The following SUMF1 variants were observed in gnomAD, a reference collection of about 807,000 sequenced individuals.
SUMF1 encodes the protein sulfatase modifying factor 1.
In SUMF1, 48 loss-of-function variants were observed where a neutral mutation model predicts 47.6. The ratio of observed to expected loss-of-function variants is 1.01; its 90% CI spans 0.80 to 1.28. The LOEUF is 1.28. Ranked by LOEUF, SUMF1 falls within the 50% of genes most tolerant of loss-of-function variation. The pLI, the probability that SUMF1 is intolerant of heterozygous loss-of-function variation, is 0.00. For synonymous variants in SUMF1, 230 were observed against 192.1 expected, an observed-to-expected ratio of 1.20 and a Z score of -1.63; for missense variants, 571 against 485.4, an observed-to-expected ratio of 1.18 and a Z score of -1.66.
At chr3:4,341,864 C>A (rs1378055624) in intron 8 of SUMF1, among the ~76,000 whole-genome samples, 10 of 152,138 alleles carry the variant, frequency 6.6e-5, no homozygotes, top group Non-Finnish European at 1.5e-4. Context: ...TGTTTTTTAA[C>A]TAAGAAGTCA....
chr3:4,412,298 G>C (rs1352203564), intron 6 of SUMF1, among the ~76,000 whole-genome samples: 1 of 152,196 alleles, frequency 6.6e-6, no homozygotes, highest in Non-Finnish European at 1.5e-5. Flanking sequence ...TGCAGAATGG[G>C]ATGAGTAGGG....
rs1355300284 is a variant in SUMF1, at chr3:4,361,286, T to TC, written c.*857dup. 6.6e-6 allele frequency: 1 copy of TC among 152,658 alleles called. No individual in the cohort carries two copies. The highest frequency in any genetic ancestry group is 1.5e-5 in the Non-Finnish European group (1 of 68,052). The allele number at this position is 152,658 out of a possible 1,614,324, so 9.5% of individuals were successfully genotyped here. On this transcript the variant is annotated 3_prime_UTR_variant, in exon 9 of 9. Transcript: ENST00000272902. ...CTCATTCAAGGTCCTCGTTCCTTTT[T>TC]CCCTATATCTAGAATTAAACAGGTT... is the stretch of plus-strand genomic sequence containing the variant.
intron 8 of SUMF1, among the ~76,000 whole-genome samples, chr3:4,086,962 TA>T (rs1439933633): frequency 6.6e-6 from 1 of 152,140 alleles, no homozygotes; most frequent in African/African-American, 2.4e-5. Context: ...TTTTTCTCTA[TA>T]AATTACCCAG....
intron 8 of SUMF1, among the ~76,000 whole-genome samples, chr3:4,230,264 T>C (rs1288514208): frequency 6.6e-6 from 1 of 152,020 alleles, no homozygotes; most frequent in Non-Finnish European, 1.5e-5. Flanking sequence ...GAGTTAAACT[T>C]CGCAGGTTTA....
intron 8 of SUMF1, among the ~76,000 whole-genome samples, chr3:4,275,671 C>T (rs1362674614): frequency 6.6e-6 from 1 of 152,142 alleles, no homozygotes. Flanking sequence ...TCCCAAAGTA[C>T]TTAGCTCTGG....
chr3:4,157,926 A>G (rs1406884218), intron 8 of SUMF1, among the ~76,000 whole-genome samples: 1 of 150,448 alleles, frequency 6.6e-6, no homozygotes, highest in Non-Finnish European at 1.5e-5. Flanking sequence ...TGTACTTTGT[A>G]TTTTCAGTCT....
rs73114422 is a variant in SUMF1 at position 4,123,875 on chromosome 3, G to A, written c.1015-55130C>T. 8.2e-3 allele frequency among the ~76,000 whole-genome samples: 1,245 copies of A among 152,206 alleles called. 20 individuals carry two copies. Among genetic ancestry groups the A allele is most frequent in the African/African-American group, 0.029 (1,184 of 41,526 alleles). ...TCAGAGAGAAAGGTTTAGCTAGGGC[G>A]TCACAGACATTGATCAGACATGGGG... On this transcript the variant is annotated intron_variant and NMD_transcript_variant, in intron 8 of 12. Coordinates refer to the SUMF1 transcript ENST00000448413.
intron 8 of SUMF1, among the ~76,000 whole-genome samples, chr3:4,372,282 C>A (rs936793340): frequency 3.9e-5 from 6 of 152,036 alleles, no homozygotes; most frequent in African/African-American, 1.4e-4. Flanking sequence ...GCCTGGGTCA[C>A]AGAGTAAGAT....
intron 8 of SUMF1, among the ~76,000 whole-genome samples, chr3:4,242,684 A>G (rs1181563496): frequency 2.0e-5 from 3 of 152,112 alleles, no homozygotes; most frequent in South Asian, 2.1e-4. Flanking sequence ...CCAGTATTTT[A>G]TTGAGGACTT....
intron 8 of SUMF1, among the ~76,000 whole-genome samples, chr3:4,251,710 T>A (rs895255547): frequency 1.3e-5 from 2 of 152,230 alleles, no homozygotes; most frequent in African/African-American, 4.8e-5. Context: ...CCAGATAGCA[T>A]CTTCTTCTAT....
chr3:4,304,565 G>C (rs1698106542), intron 8 of SUMF1, among the ~76,000 whole-genome samples: 1 of 152,210 alleles, frequency 6.6e-6, no homozygotes, highest in Non-Finnish European at 1.5e-5. Context: ...TCGGAGCTTA[G>C]ACATCTTAGC....
At chr3:4,222,166 G>A (rs1338338991) in intron 8 of SUMF1, among the ~76,000 whole-genome samples, 1 of 151,950 alleles carries the variant, frequency 6.6e-6, no homozygotes, top group Non-Finnish European at 1.5e-5. Context: ...GTTATCTTTG[G>A]TGGGATAATA....
chr3:4,039,116 G>C (rs1694860603), intron 9 of SUMF1, among the ~76,000 whole-genome samples: 1 of 145,476 alleles, frequency 6.9e-6, no homozygotes, highest in East Asian at 2.2e-4. Flanking sequence ...ACAGAGAATT[G>C]AAATACAGAA....
At chr3:4,387,317 C>G (rs1700707348) in intron 7 of SUMF1, among the ~76,000 whole-genome samples, 1 of 151,916 alleles carries the variant, frequency 6.6e-6, no homozygotes, top group Non-Finnish European at 1.5e-5. Flanking sequence ...ATTGGGTAAA[C>G]TGTGGTATTT....
intron 8 of SUMF1, among the ~76,000 whole-genome samples, chr3:4,365,066 C>T (rs1235224049): frequency 1.3e-5 from 2 of 151,510 alleles, no homozygotes; most frequent in African/African-American, 4.9e-5. Context: ...TTTGATTGCA[C>T]TGTGGTCTGA....
intron 9 of SUMF1, among the ~76,000 whole-genome samples, chr3:4,044,617 G>A (rs1694973119): frequency 1.3e-5 from 2 of 152,208 alleles, no homozygotes; most frequent in Admixed American, 1.3e-4. Flanking sequence ...TCAGCCTCAG[G>A]CTGGAAGTAA....
chr3:4,212,988 T>G lies in SUMF1; in HGVS notation c.1015-144243A>C, dbSNP rs112748163. On this transcript the variant is annotated intron_variant and NMD_transcript_variant, in intron 8 of 12. Coordinates refer to the SUMF1 transcript ENST00000448413. ...ATGGAACCAAGTTGGAAAACACTCT[T>G]CAGGATATTATCCAGGAGAACTTCC... 5.8e-3 allele frequency among the ~76,000 whole-genome samples: 884 copies of G among 152,244 alleles called. 11 individuals are homozygous for G. The highest frequency in any genetic ancestry group is 0.02 in the African/African-American group (820 of 41,544).
intron 6 of SUMF1, among the ~76,000 whole-genome samples, chr3:4,411,363 T>C (rs1701536206): frequency 6.6e-6 from 1 of 152,158 alleles, no homozygotes; most frequent in South Asian, 2.1e-4. Flanking sequence ...ATGAGTCTTG[T>C]CATCACAGCT....
chr3:4,050,668 G>A (rs1407398766), intron 9 of SUMF1, among the ~76,000 whole-genome samples: 3 of 150,728 alleles, frequency 2.0e-5, no homozygotes, highest in East Asian at 3.9e-4. Context: ...ACCTGAGCCT[G>A]GGAGGTGGAG....
Sources: allele counts gnomAD v4.1 joint callset (sites outside exome capture counted in the v4.1 genomes callset), GRCh38; gene constraint gnomAD v4.1.1; transcripts MANE v1.5; gene names NCBI Gene and HGNC (gene_info 2026-07-23, HGNC 2026-07-21).